The following PTPRD variants were observed in gnomAD, a reference collection of about 807,000 sequenced individuals.
The protein encoded by PTPRD is receptor-type tyrosine-protein phosphatase delta.
PTPRD carries 34 observed loss-of-function variants against 214.5 expected under a neutral mutation model. The observed-to-expected ratio is 0.16, with a 90% CI of 0.12 to 0.21. The LOEUF is 0.21. PTPRD is among the 10% of genes least tolerant of loss of function. PTPRD has a pLI of 1.00. For missense variants in PTPRD, 2,545 were observed against 2,398.7 expected, an observed-to-expected ratio of 1.06 and a Z score of -1.27; for synonymous variants, 1,128 against 845.7, an observed-to-expected ratio of 1.33 and a Z score of -5.79.
chr9:9,931,502 T>C (rs1010604638), intron 5 of PTPRD, among the ~76,000 whole-genome samples: 1 of 152,168 alleles, frequency 6.6e-6, no homozygotes, highest in Non-Finnish European at 1.5e-5. Context: ...CCCACCCGAA[T>C]ACTGCGCTTT....
At chr9:10,094,246 T>C (rs1324095712) in intron 3 of PTPRD, among the ~76,000 whole-genome samples, 1 of 151,368 alleles carries the variant, frequency 6.6e-6, no homozygotes, top group Non-Finnish European at 1.5e-5. Flanking sequence ...TATATATAAA[T>C]ATTCATAGTA....
intron 39 of PTPRD, among the ~76,000 whole-genome samples, chr9:8,342,715 C>T (rs547388857): frequency 6.6e-6 from 1 of 152,152 alleles, no homozygotes; most frequent in East Asian, 1.9e-4. Context: ...CTGTCCATTT[C>T]TTCATTCAAT....
At chr9:9,152,429 G>C (rs2099877613) in intron 10 of PTPRD, among the ~76,000 whole-genome samples, 1 of 152,122 alleles carries the variant, frequency 6.6e-6, no homozygotes, top group Non-Finnish European at 1.5e-5. Flanking sequence ...TCCTTGATTT[G>C]TTTTTAAGTC....
At chr9:9,691,777 G>A (rs111659139) in intron 7 of PTPRD, among the ~76,000 whole-genome samples, 1 of 151,816 alleles carries the variant, frequency 6.6e-6, no homozygotes, top group African/African-American at 2.4e-5. Context: ...CCACATTCTC[G>A]CCAGCGTTTG....
chr9:10,126,277 G>A (rs972973428), intron 3 of PTPRD, among the ~76,000 whole-genome samples: 3 of 151,938 alleles, frequency 2.0e-5, no homozygotes, highest in Non-Finnish European at 4.4e-5. Context: ...TGGCATTTAC[G>A]TATTGTACCA....
intron 5 of PTPRD, among the ~76,000 whole-genome samples, chr9:9,842,426 G>C (rs753438668): frequency 6.8e-6 from 1 of 147,720 alleles, no homozygotes; most frequent in Non-Finnish European, 1.5e-5. Context: ...TTAAATCCAT[G>C]ATAATATTGA....
At chr9:8,356,404 T>C (rs945436261) in intron 39 of PTPRD, among the ~76,000 whole-genome samples, 1 of 152,188 alleles carries the variant, frequency 6.6e-6, no homozygotes, top group African/African-American at 2.4e-5. Flanking sequence ...TAGTTTGAAA[T>C]AGAAAGTTTT....
chr9:9,017,695 G>A (rs937929266), intron 11 of PTPRD, among the ~76,000 whole-genome samples: 3 of 152,186 alleles, frequency 2.0e-5, no homozygotes, highest in Non-Finnish European at 2.9e-5. Flanking sequence ...AAGGTTCTCA[G>A]AAACATCGAA....
intron 3 of PTPRD, among the ~76,000 whole-genome samples, chr9:10,082,840 A>AAACACACACAAACACAC (rs1555566892): frequency 7.8e-6 from 1 of 128,232 alleles, no homozygotes; most frequent in South Asian, 2.5e-4. Flanking sequence ...CACACACACA[A>AAACACACACAAACACAC]ACACACACAC....
At chr9:9,226,699 G>C (rs2099959701) in intron 9 of PTPRD, among the ~76,000 whole-genome samples, 1 of 152,008 alleles carries the variant, frequency 6.6e-6, no homozygotes, top group South Asian at 2.1e-4. Flanking sequence ...TAAGTACTTT[G>C]ACTATCTCAC....
intron 9 of PTPRD, among the ~76,000 whole-genome samples, chr9:9,292,508 CAA>C (rs1447945083): frequency 6.6e-6 from 1 of 151,286 alleles, no homozygotes; most frequent in Non-Finnish European, 1.5e-5. Context: ...GAAGATAGTA[CAA>C]AGAGTTCTCA....
chr9:10,036,075 T>C (rs953303895), intron 3 of PTPRD, among the ~76,000 whole-genome samples: 1 of 152,172 alleles, frequency 6.6e-6, no homozygotes, highest in Non-Finnish European at 1.5e-5. Context: ...CATTGGTATC[T>C]GGCAGTATAC....
chr9:9,146,527 T>A (rs546687760), intron 10 of PTPRD, among the ~76,000 whole-genome samples: 1 of 152,290 alleles, frequency 6.6e-6, no homozygotes, highest in East Asian at 1.9e-4. Flanking sequence ...GTTGTCGTTT[T>A]TCTTTTTTTG....
chr9:10,290,616 G>A (rs1272397882), intron 3 of PTPRD, among the ~76,000 whole-genome samples: 3 of 152,060 alleles, frequency 2.0e-5, no homozygotes, highest in Non-Finnish European at 2.9e-5. Context: ...CCTGCAATAG[G>A]TTAATTTTCC....
chr9:9,390,627 TA>T (rs1435915761), intron 9 of PTPRD, among the ~76,000 whole-genome samples: 3 of 152,200 alleles, frequency 2.0e-5, no homozygotes, highest in African/African-American at 7.2e-5. Flanking sequence ...ATCAAGGAGA[TA>T]ACTCTTGGAC....
chr9:10,008,501 T>A (rs2096533715), intron 4 of PTPRD, among the ~76,000 whole-genome samples: 1 of 152,030 alleles, frequency 6.6e-6, no homozygotes, highest in Non-Finnish European at 1.5e-5. Context: ...AAAGTGAACA[T>A]GGGATATATG....
At chr9:8,761,812 G>A (rs1050333773) in intron 11 of PTPRD, among the ~76,000 whole-genome samples, 1 of 152,112 alleles carries the variant, frequency 6.6e-6, no homozygotes, top group African/African-American at 2.4e-5. Flanking sequence ...ACTAAATTCT[G>A]CCACAGTAGT....
intron 3 of PTPRD, among the ~76,000 whole-genome samples, chr9:10,141,016 A>T (rs1255171571): frequency 6.6e-6 from 1 of 152,136 alleles, no homozygotes; most frequent in African/African-American, 2.4e-5. Flanking sequence ...TTATCTCAAT[A>T]GATGCAGAAA....
intron 5 of PTPRD, among the ~76,000 whole-genome samples, chr9:9,910,514 G>T (rs1043633635): frequency 4.0e-5 from 6 of 151,806 alleles, no homozygotes; most frequent in Non-Finnish European, 7.4e-5. Context: ...ACAGTGTAGG[G>T]GTCTGAAAAT....
Sources: gnomAD v4.1 joint callset for allele counts (sites outside exome capture counted in the v4.1 genomes callset) on GRCh38, gnomAD v4.1.1 for gene constraint, MANE v1.5 for transcripts, NCBI Gene and HGNC (gene_info 2026-07-23, HGNC 2026-07-21) for gene names.